Variants in PTPRN2 observed in about 807,000 individuals in gnomAD.
PTPRN2 encodes protein tyrosine phosphatase receptor type N2.
Under a neutral mutation model 118.8 loss-of-function variants are expected in PTPRN2, and 74 were observed. The ratio of observed to expected loss-of-function variants is 0.62; its 90% CI spans 0.52 to 0.76. The LOEUF (loss-of-function observed/expected upper bound fraction) is 0.76. PTPRN2 is among the 30% of genes least tolerant of loss of function. The probability of loss-of-function intolerance (pLI) is 0.00; values close to 1 mark genes in which losing one functional copy is unlikely to be tolerated. For synonymous variants in PTPRN2, 641 were observed against 608.0 expected, an observed-to-expected ratio of 1.05 and a Z score of -0.80; for missense variants, 1,481 against 1,394.4, an observed-to-expected ratio of 1.06 and a Z score of -0.99.
chr7:158,026,077 C>T (rs976145884), intron 11 of PTPRN2, among the ~76,000 whole-genome samples: 2 of 152,220 alleles, frequency 1.3e-5, no homozygotes, highest in Non-Finnish European at 2.9e-5. Flanking sequence ...CATGCCGGGC[C>T]CCGTCGAGGC....
intron 14 of PTPRN2, among the ~76,000 whole-genome samples, chr7:157,637,762 G>T (rs147696556): frequency 2.6e-5 from 4 of 152,172 alleles, no homozygotes; most frequent in African/African-American, 9.7e-5. Context: ...GAGGAGGGGC[G>T]GTTGCCAGGC....
intron 12 of PTPRN2, among the ~76,000 whole-genome samples, chr7:157,835,644 C>T (rs890818769): frequency 6.6e-6 from 1 of 152,104 alleles, no homozygotes; most frequent in African/African-American, 2.4e-5. Context: ...CGGGAGGGTG[C>T]AGGGGCGAAA....
intron 2 of PTPRN2, among the ~76,000 whole-genome samples, chr7:158,423,999 G>A (rs768923295): frequency 1.3e-5 from 2 of 152,120 alleles, no homozygotes; most frequent in African/African-American, 2.4e-5. Context: ...TTTTTTAGAC[G>A]AGAAAGATTA....
intron 3 of PTPRN2, among the ~76,000 whole-genome samples, chr7:158,236,012 G>T (rs1192741708): frequency 6.6e-6 from 1 of 152,096 alleles, no homozygotes; most frequent in African/African-American, 2.4e-5. Context: ...GAGACGTCGT[G>T]GGGGAAACTG....
At chr7:158,086,138 T>A (rs1271492439) in intron 10 of PTPRN2, among the ~76,000 whole-genome samples, 1 of 152,178 alleles carries the variant, frequency 6.6e-6, no homozygotes, top group African/African-American at 2.4e-5. Flanking sequence ...CTCACCTATC[T>A]AATTACAGAC....
At chr7:158,328,911 T>C (rs932784420) in intron 2 of PTPRN2, among the ~76,000 whole-genome samples, 1 of 149,358 alleles carries the variant, frequency 6.7e-6, no homozygotes, top group Non-Finnish European at 1.5e-5. Context: ...GGGATCCCAG[T>C]GAGGCCTGGG....
intron 5 of PTPRN2, among the ~76,000 whole-genome samples, chr7:158,171,294 CATATATATACACACATATAT>C (rs1249481812): frequency 2.6e-4 from 16 of 62,162 alleles, no homozygotes; most frequent in African/African-American, 1.1e-3. Flanking sequence ...TATATACACA[CATATATATACACACATATAT>C]ATATATATAT....
At position 158,167,169 on chromosome 7, in the gene PTPRN2, G is replaced by A. The variant is rs139044925; in HGVS notation, c.672C>T (p.Leu224=). The A allele has an allele frequency of 1.2e-5, 20 of 1,613,826 alleles. No individual in the cohort carries two copies. The African/African-American group carries it at 2.7e-4, about 22-fold the overall frequency. Residue 224 remains leucine (L), a synonymous_variant, in exon 6 of 23, where the codon CTC becomes CTT. Coordinates refer to ENST00000389418, the MANE Select transcript of PTPRN2 (RefSeq NM_002847.5). ...CCTTAGGGCTGAGCTCATCTGGCTG[G>A]AGCTGGCCGAGGGTCCGCGGCAGGA... ...EDLLPRTLGQ[L]QPDELSPKVD... is the part of the protein sequence containing the mutation.
At chr7:157,713,903 C>T (rs1798775762) in intron 12 of PTPRN2, among the ~76,000 whole-genome samples, 1 of 152,192 alleles carries the variant, frequency 6.6e-6, no homozygotes, top group Non-Finnish European at 1.5e-5. Flanking sequence ...CAGAGCACGC[C>T]TCGCTCCCCT....
At chr7:158,051,107 G>C (rs970916930) in intron 11 of PTPRN2, among the ~76,000 whole-genome samples, 2 of 152,232 alleles carry the variant, frequency 1.3e-5, no homozygotes, top group African/African-American at 4.8e-5. Context: ...CAGTGCCCAT[G>C]GGGGGCATCT....
In PTPRN2 at chr7:158,533,559, C is replaced by T. The variant is rs373941559; in HGVS notation, c.113-43774G>A. On this transcript the variant is annotated intron_variant, in intron 1 of 22. Transcript: ENST00000389418. ...CTGTCCTGCGTGATGGGTCTCCCTG[C>T]AACACACGAGGAGTCCCTATCCCAG... is the stretch of plus-strand genomic sequence containing the variant. 1.1e-4 allele frequency among the ~76,000 whole-genome samples: 17 copies of T among 152,308 alleles called. 1 individual carries two copies. The South Asian group carries it at 3.5e-3, about 32-fold the overall frequency.
chr7:157,570,327 G>T (rs1799695154), intron 20 of PTPRN2, among the ~76,000 whole-genome samples: 1 of 152,114 alleles, frequency 6.6e-6, no homozygotes, highest in African/African-American at 2.4e-5. Flanking sequence ...TACATTTGTG[G>T]GTAAAAAAGA....
At chr7:158,116,725 C>T (rs185027784) in intron 9 of PTPRN2, among the ~76,000 whole-genome samples, 3 of 152,344 alleles carry the variant, frequency 2.0e-5, no homozygotes, top group African/African-American at 7.2e-5. Flanking sequence ...AAAATGCTAA[C>T]ACCCATTTTT....
At chr7:157,648,736 G>C (rs1435488091) in intron 14 of PTPRN2, among the ~76,000 whole-genome samples, 2 of 127,486 alleles carry the variant, frequency 1.6e-5, no homozygotes, top group Non-Finnish European at 3.3e-5. Context: ...TCGGTGGGTC[G>C]GACCCATCCA....
At chr7:158,283,631 A>C (rs1377669466) in intron 3 of PTPRN2, among the ~76,000 whole-genome samples, 1 of 152,126 alleles carries the variant, frequency 6.6e-6, no homozygotes, top group East Asian at 1.9e-4. Context: ...TGGAAGCTTT[A>C]ATCATCAACG....
At chr7:157,644,815 A>AC (rs67391304) in intron 14 of PTPRN2, among the ~76,000 whole-genome samples, 55,895 of 149,790 alleles carry the variant, frequency 0.37, 11,074 homozygotes, top group Middle Eastern at 0.48. Context: ...AAAAAAAAAA[A>AC]CAAAAAACAA....
At chr7:158,522,062 A>G (rs1171083623) in intron 1 of PTPRN2, among the ~76,000 whole-genome samples, 1 of 68,390 alleles carries the variant, frequency 1.5e-5, no homozygotes, top group Admixed American at 1.4e-4. Context: ...GGTCCACGTC[A>G]CAATGGTGGA....
In PTPRN2 at chr7:158,003,274, C is replaced by T. The variant is rs961872479; in HGVS notation, c.1723+78024G>A. Among the ~76,000 whole-genome samples, 14 of 151,632 alleles carry T rather than the reference C, an allele frequency of 9.2e-5. No individual in the cohort carries two copies. The highest frequency in any genetic ancestry group is 1.7e-4 in the African/African-American group (7 of 41,246). On this transcript the variant is annotated intron_variant, in intron 11 of 22. Coordinates refer to ENST00000389418, the MANE Select transcript of PTPRN2 (RefSeq NM_002847.5). This position sits in a 1 kb window ranked among gnomAD's most constrained non-coding sequence, Gnocchi z 5.0. The stretch of plus-strand genomic sequence containing the variant: ...CTAAAAATACAAAAAATTAGCCGGG[C>T]GTGTTGGCGGGCGCCTGTAGTCCCA...
intron 12 of PTPRN2, among the ~76,000 whole-genome samples, chr7:157,839,839 G>A (rs774389249): frequency 8.7e-4 from 130 of 149,944 alleles, no homozygotes; most frequent in Non-Finnish European, 1.7e-3. Flanking sequence ...GGCCACGTGT[G>A]ACTGTGTGAC....
Sources: gnomAD v4.1 joint callset for allele counts (sites outside exome capture counted in the v4.1 genomes callset) on GRCh38, gnomAD v4.1.1 for gene constraint, Gnocchi (gnomAD v3.1) non-coding constraint, MANE v1.5 for transcripts, NCBI Gene and HGNC (gene_info 2026-07-23, HGNC 2026-07-21) for gene names.